PHF8: variants seen among roughly 807,000 people sequenced by gnomAD.
PHF8 encodes PHD finger protein 8, also known as histone lysine demethylase PHF8.
A neutral mutation model predicts 74.4 loss-of-function variants in PHF8; 9 were observed. The ratio of observed to expected loss-of-function variants is 0.12; its 90% CI spans 0.07 to 0.21. The LOEUF (loss-of-function observed/expected upper bound fraction) is 0.21, where lower values mean the gene tolerates loss of function less well. Among genes scored for constraint, PHF8 ranks in the 10% least tolerant of loss-of-function variants. PHF8 has a pLI of 1.00. For missense variants in PHF8, 478 were observed against 816.6 expected (o/e 0.59, Z 5.05); for synonymous variants, 311 against 316.6 (o/e 0.98, Z 0.19).
chrX:54,022,089 C>A (rs782745838), intron 4 of PHF8, among the ~76,000 whole-genome samples, 170 bp downstream of exon 4: 4 of 111,275 alleles, frequency 3.6e-5, no homozygotes, highest in African/African-American at 1.3e-4. Context: ...TCCCAACTAC[C>A]AGAAGTTTTC....
chrX:54,011,862 C>CAAAAAAAAAAAAAAAAA (rs11397654), intron 7 of PHF8, among the ~76,000 whole-genome samples: 1 of 40,059 alleles, frequency 2.5e-5, no homozygotes. Flanking sequence ...GATAATTTGG[C>CAAAAAAAAAAAAAAAAA]AAAAAAAAAA....
At chrX:54,038,497 T>C (rs781980303) in intron 2 of PHF8, among the ~76,000 whole-genome samples, 11 of 111,973 alleles carry the variant, frequency 9.8e-5, no homozygotes, top group African/African-American at 1.6e-4. Flanking sequence ...AGAAATACTG[T>C]AGCTAGGGCA....
intron 11 of PHF8, among the ~76,000 whole-genome samples, chrX:53,998,527 C>A (rs1272657241): frequency 9.0e-6 from 1 of 111,055 alleles, no homozygotes; most frequent in East Asian, 2.8e-4. Context: ...CCTGTCCCTG[C>A]CATCAATCCC....
intron 8 of PHF8, among the ~76,000 whole-genome samples, chrX:54,004,774 T>TA (rs1557104928): frequency 9.2e-6 from 1 of 108,982 alleles, no homozygotes; most frequent in Non-Finnish European, 1.9e-5. Flanking sequence ...ACTAAAAATA[T>TA]AAAAATTAGC....
Position 53,944,238 on chromosome X carries a change from C to G in PHF8, c.2545G>C (p.Val849Leu). Residue 849 changes from valine to leucine, a missense_variant, in exon 20 of 22, where the codon GTG (valine) becomes CTG (leucine). This residue lies in a region of PHF8 where 35 missense variants were observed against 78.8 expected (regional missense o/e 0.44). Transcript: ENST00000338154. ...DDAPWSPKAR[V>L]TPTLPKQDRP... is the part of the protein sequence containing the mutation. Reference sequence around the variant, plus strand: ...TCCTGCTTCGGCAGAGTTGGGGTCACGCGGGCTGCAAGGGAAACAGGATGA... The same window carrying G: ...TCCTGCTTCGGCAGAGTTGGGGTCAGGCGGGCTGCAAGGGAAACAGGATGA... The G allele has an allele frequency of 8.3e-7, 1 of 1,199,835 alleles. No individual in the cohort carries two copies. Among genetic ancestry groups the G allele is most frequent in the Non-Finnish European group, 1.1e-6 (1 of 885,325 alleles).
chrX:53,953,474 C>A (rs1275207694), intron 19 of PHF8, among the ~76,000 whole-genome samples: 1 of 109,222 alleles, frequency 9.2e-6, no homozygotes, highest in East Asian at 2.8e-4. Context: ...AACCCCAACT[C>A]TACTAAAAAT....
chrX:53,945,797 T>C (rs1471199756), intron 19 of PHF8, among the ~76,000 whole-genome samples: 2 of 111,503 alleles, frequency 1.8e-5, no homozygotes, highest in African/African-American at 6.5e-5. Flanking sequence ...TAAGGTAAGC[T>C]GAAATCAATC....
In PHF8 at chrX:54,042,666, G is replaced by A; in HGVS notation, c.63C>T (p.Ile21=). The A allele has an allele frequency of 1.7e-6, 2 of 1,211,109 alleles. No individual in the cohort carries two copies. Reference sequence around the variant, plus strand: ...ACCAGTCCTGGCACATGTCACACTCGATCATGAAGCGGGTCACATCGTAAG... The same window carrying A: ...ACCAGTCCTGGCACATGTCACACTCAATCATGAAGCGGGTCACATCGTAAG... The part of the protein sequence containing the change: ...RLPYDVTRFM[I]ECDMCQDWFH... Residue 21 remains isoleucine, a synonymous_variant, in exon 2 of 22, where the codon ATC becomes ATT. Transcript: ENST00000338154.
At chrX:53,987,681 C>A in intron 15 of PHF8, 85 bp downstream of exon 15, 1 of 870,960 alleles carries the variant, frequency 1.1e-6, no homozygotes, top group Non-Finnish European at 1.7e-6. Context: ...TGCACTCCAG[C>A]CTGGGCAACA....
intron 2 of PHF8, among the ~76,000 whole-genome samples, chrX:54,031,311 C>A (rs781812300): frequency 9.0e-6 from 1 of 110,502 alleles, no homozygotes; most frequent in Admixed American, 9.8e-5. Flanking sequence ...ATCTCCTCAA[C>A]CTCTGCCTTC....
intron 12 of PHF8, 50 bp from the exon 13 acceptor site, chrX:53,993,953 C>G: frequency 1.1e-6 from 1 of 940,002 alleles, no homozygotes; most frequent in Non-Finnish European, 1.5e-6. Context: ...CAAGGGTTCT[C>G]TCAACACTAA....
At chrX:53,974,539 C>T (rs1420680461) in intron 18 of PHF8, among the ~76,000 whole-genome samples, 5 of 111,412 alleles carry the variant, frequency 4.5e-5, no homozygotes, top group Non-Finnish European at 9.4e-5. Flanking sequence ...ACCATTTGAC[C>T]CAGTAATCCT....
chrX:53,966,210 T>G (rs898104212), intron 18 of PHF8, among the ~76,000 whole-genome samples: 1 of 110,968 alleles, frequency 9.0e-6, no homozygotes, highest in African/African-American at 3.3e-5. Flanking sequence ...CCTCTCCCTC[T>G]CCCTCTCCCT....
At chrX:53,991,381 G>C (rs1489311410) in intron 14 of PHF8, among the ~76,000 whole-genome samples, 1 of 111,484 alleles carries the variant, frequency 9.0e-6, no homozygotes, top group Non-Finnish European at 1.9e-5. Context: ...GTATAACAAG[G>C]CCGGGCATGT....
chrX:54,047,836 G>A (rs2066640733), upstream of PHF8, among the ~76,000 whole-genome samples: 1 of 111,812 alleles, frequency 8.9e-6, no homozygotes, highest in Non-Finnish European at 1.9e-5. Flanking sequence ...TCTCAGAGAA[G>A]GTGACAGGAG....
At position 54,016,116 on chromosome X, in the gene PHF8, C is replaced by T. The variant is rs146770179; in HGVS notation, c.596+479G>A. ...TAGAAACTGTGGAGGAGAAATATGACTCAACTGTTACAACGTGAGCAGCTA... is the reference window on the plus strand; with the variant it reads ...TAGAAACTGTGGAGGAGAAATATGATTCAACTGTTACAACGTGAGCAGCTA... On this transcript the variant is annotated intron_variant, in intron 6 of 21. Transcript: ENST00000338154. Among the ~76,000 whole-genome samples, 830 of 111,607 alleles carry T rather than the reference C, an allele frequency of 7.4e-3. 2 individuals are homozygous for T. The highest frequency in any genetic ancestry group is 0.012 in the Non-Finnish European group (626 of 53,087).
chrX:54,024,212 C>T (rs1475020086), intron 2 of PHF8, among the ~76,000 whole-genome samples: 5 of 111,535 alleles, frequency 4.5e-5, no homozygotes, highest in Admixed American at 1.9e-4. Context: ...CGCTTGAGGC[C>T]GGGAGTTCAA....
intron 18 of PHF8, among the ~76,000 whole-genome samples, chrX:53,980,945 G>A (rs1325389000): frequency 1.8e-5 from 2 of 112,888 alleles, no homozygotes; most frequent in Non-Finnish European, 3.7e-5. Flanking sequence ...GGGCCTGGTG[G>A]CTCGCGCCTG....
chrX:53,959,627 C>T (rs1368597578), intron 19 of PHF8, among the ~76,000 whole-genome samples: 1 of 109,623 alleles, frequency 9.1e-6, no homozygotes, highest in Non-Finnish European at 1.9e-5. Flanking sequence ...TCTGGGAGGC[C>T]GAGGCAGATG....
Sources: gnomAD v4.1 joint callset for allele counts (sites outside exome capture counted in the v4.1 genomes callset) on GRCh38, gnomAD v4.1.1 for gene constraint, gnomAD v4.1.1 regional missense constraint, MANE v1.5 for transcripts, NCBI Gene and HGNC (gene_info 2026-07-23, HGNC 2026-07-21) for gene names.